PHYH: variants seen among roughly 807,000 people sequenced by gnomAD.
The protein encoded by PHYH is phytanoyl-CoA dioxygenase, peroxisomal.
PHYH carries 32 observed loss-of-function variants against 38.5 expected under a neutral mutation model. The observed-to-expected ratio is 0.83, with a 90% CI of 0.63 to 1.12. The LOEUF (loss-of-function observed/expected upper bound fraction) is 1.12, where lower values mean the gene tolerates loss of function less well. Among genes scored for constraint, PHYH ranks in the 50% most tolerant of loss-of-function variants. The pLI is 0.00. For missense variants in PHYH, 426 were observed against 434.8 expected (o/e 0.98, Z 0.18); for synonymous variants, 166 against 157.9 (o/e 1.05, Z -0.38).
At chr10:13,294,767 A>G in intron 3 of PHYH, 171 bp from the exon 4 acceptor site, 1 of 639,452 alleles carries the variant, frequency 1.6e-6, no homozygotes, top group Admixed American at 2.5e-5. Flanking sequence ...GTCTGGCTAG[A>G]ATCCATTCCC....
intron 2 of PHYH, among the ~76,000 whole-genome samples, chr10:13,297,505 G>A (rs1832594462): frequency 6.6e-6 from 1 of 152,134 alleles, no homozygotes; most frequent in African/African-American, 2.4e-5. Context: ...CCAGGCTGGA[G>A]TTCAGTGGCG....
rs555470914 is a variant in PHYH at position 13,283,909 on chromosome 10, T to G, written c.679-70A>C. The G allele has an allele frequency of 8.4e-5, 108 of 1,281,428 alleles. No individual in the cohort carries two copies. The African/African-American group carries it at 1.4e-3, about 17-fold the overall frequency. The allele number at this position is 1,281,428 out of a possible 1,614,324, so 79.4% of individuals were successfully genotyped here. ...AATTAAAAACATTGTCAATGGTTCA[T>G]CAGGGAAAGCAAACATCAGGGAAAG... On this transcript the variant is annotated intron_variant, in intron 6 of 8. Coordinates refer to ENST00000263038, the MANE Select transcript of PHYH (RefSeq NM_006214.4).
At chr10:13,290,460 G>A (rs1382716932) in intron 5 of PHYH, among the ~76,000 whole-genome samples, 1 of 152,084 alleles carries the variant, frequency 6.6e-6, no homozygotes, top group African/African-American at 2.4e-5. Flanking sequence ...GGAGAGACCT[G>A]GTAATGCTAA....
chr10:13,291,749 G>A (rs1028294983), intron 5 of PHYH, 82 bp downstream of exon 5: 3 of 899,022 alleles, frequency 3.3e-6, no homozygotes, highest in Admixed American at 1.8e-5. Context: ...AAAATGCTGG[G>A]ATTACAGGCA....
Position 13,294,455 on chromosome 10 carries a change from C to A in PHYH, c.387G>T (p.Glu129Asp). ...CGGGGAGAGTGCAGTATCTGAAGAGCTCCTTATCTTCCTGGAAATCCTGGA... is the reference window on the plus strand; with the variant it reads ...CGGGGAGAGTGCAGTATCTGAAGAGATCCTTATCTTCCTGGAAATCCTGGA... ...TKVQDFQEDK[E>D]LFRYCTLPEI... is the part of the protein sequence containing the mutation. Residue 129 changes from glutamate (E) to aspartate (D), a missense_variant, in exon 4 of 9, where the codon GAG becomes GAT. Transcript: ENST00000263038. The A allele has an allele frequency of 6.2e-7, 1 of 1,614,128 alleles. No homozygotes were observed. The highest frequency in any genetic ancestry group is 1.1e-5 in the South Asian group (1 of 91,086).
Position 13,295,512 on chromosome 10 carries a change from C to A in PHYH, c.229G>T (p.Asp77Tyr). The change falls in exon 3 of 9, where the codon GAT (aspartate) becomes TAT (tyrosine). Residue 77 changes from aspartate (D) to tyrosine (Y), a missense_variant. Asp to Tyr is a radical substitution (Grantham distance 160). Transcript: ENST00000263038. ...TTACTGTACCGAAAGCGTTGAATAT[C>A]GGCATCAGGTACAAGATTTTTGATT... ...LVIKNLVPDADIQRFRNEFEK... is the reference protein window; with the variant it reads ...LVIKNLVPDAYIQRFRNEFEK... The A allele has an allele frequency of 6.5e-7, 1 of 1,534,516 alleles. No individual in the cohort carries two copies. The highest frequency in any genetic ancestry group is 9.0e-7 in the Non-Finnish European group (1 of 1,107,388).
Position 13,291,822 on chromosome 10 carries a change from T to G in PHYH, c.496+9A>C. The G allele has an allele frequency of 6.3e-7, 1 of 1,592,186 alleles. No individual in the cohort carries two copies. Among genetic ancestry groups the G allele is most frequent in the East Asian group, 2.2e-5 (1 of 44,818 alleles). On this transcript the variant is annotated intron_variant, in intron 5 of 8. Coordinates refer to ENST00000263038, the MANE Select transcript of PHYH (RefSeq NM_006214.4). ...GAAACCATTTTTTTTTCTTCTCCCT[T>G]ACAATTACCAGAATCTGGAGGTTTG...
At chr10:13,291,471 T>C (rs774305046) in intron 5 of PHYH, 30 of 242,712 alleles carry the variant, frequency 1.2e-4, no homozygotes, top group African/African-American at 2.3e-4. Flanking sequence ...ATTTTATTAT[T>C]TTGTTTTGTT....
At chr10:13,288,191 G>A (rs181650783) in intron 6 of PHYH, among the ~76,000 whole-genome samples, 169 bp downstream of exon 6, 1 of 152,194 alleles carries the variant, frequency 6.6e-6, no homozygotes, top group Non-Finnish European at 1.5e-5. Flanking sequence ...TGTGATGAAT[G>A]TTTTCTCTGA....
intron 7 of PHYH, among the ~76,000 whole-genome samples, chr10:13,283,169 C>T (rs967562566): frequency 3.6e-5 from 5 of 139,288 alleles, no homozygotes; most frequent in African/African-American, 1.4e-4. Context: ...CTCGCTGTCG[C>T]CCAGGCTGGA....
At chr10:13,284,365 T>G (rs1835494721) in intron 6 of PHYH, among the ~76,000 whole-genome samples, 1 of 152,192 alleles carries the variant, frequency 6.6e-6, no homozygotes, top group Non-Finnish European at 1.5e-5. Flanking sequence ...ATGTTGATAT[T>G]AAAATCACTG....
Position 13,294,421 on chromosome 10 carries a change from C to T in PHYH, c.414+7G>A. Reference sequence around the variant, plus strand: ...TAAGCCGACGCAAAGCAAGGGTGGTCTCTGACCTCGGGGAGAGTGCAGTAT... The same window carrying T: ...TAAGCCGACGCAAAGCAAGGGTGGTTTCTGACCTCGGGGAGAGTGCAGTAT... On this transcript the variant is annotated splice_region_variant and intron_variant, in intron 4 of 8. Coordinates refer to ENST00000263038, the MANE Select transcript of PHYH (RefSeq NM_006214.4). 1 of 1,613,858 alleles carries T rather than the reference C, an allele frequency of 6.2e-7. No individual in the cohort carries two copies. Among genetic ancestry groups the T allele is most frequent in the Non-Finnish European group, 8.5e-7 (1 of 1,179,882 alleles).
At chr10:13,289,852 C>A (rs976158262) in intron 5 of PHYH, among the ~76,000 whole-genome samples, 1 of 149,890 alleles carries the variant, frequency 6.7e-6, no homozygotes, top group Non-Finnish European at 1.5e-5. Flanking sequence ...GCAGGAGAAT[C>A]GCTTGAACCC....
At chr10:13,294,685 G>C in intron 3 of PHYH, 89 bp from the exon 4 acceptor site, 2 of 1,149,278 alleles carry the variant, frequency 1.7e-6, no homozygotes, top group Non-Finnish European at 2.6e-6. Context: ...GCAGACTTGA[G>C]GGGTGGTTTC....
chr10:13,291,053 A>G (rs1835696826), intron 5 of PHYH, among the ~76,000 whole-genome samples: 1 of 141,590 alleles, frequency 7.1e-6, no homozygotes, highest in Non-Finnish European at 1.5e-5. Flanking sequence ...GCAGTGAGCC[A>G]AGATCGCGCT....
At chr10:13,287,907 C>A (rs112338314) in intron 6 of PHYH, among the ~76,000 whole-genome samples, 6 of 152,212 alleles carry the variant, frequency 3.9e-5, no homozygotes, top group African/African-American at 7.2e-5. Context: ...AGGGCAGGTA[C>A]AGTGGCTCAT....
rs1282970150 is a variant in PHYH at position 13,299,956 on chromosome 10, C to T, written c.75+12G>A. ...CGGATCCAGCCCGAGCCCCGCGCAG[C>T]CCAAAGGATACGACAGCCCCGGCCG... On this transcript the variant is annotated intron_variant, in intron 1 of 8. Transcript: ENST00000263038. 3 of 1,525,946 alleles carry T rather than the reference C, an allele frequency of 2.0e-6. No individual in the cohort carries two copies. The highest frequency in any genetic ancestry group is 2.0e-5 in the Admixed American group (1 of 50,360). 94.5% of individuals were successfully genotyped at this position (1,525,946 alleles called of 1,614,324 possible).
chr10:13,298,975 A>T (rs1185568902), intron 1 of PHYH, among the ~76,000 whole-genome samples: 18 of 148,568 alleles, frequency 1.2e-4, no homozygotes, highest in Non-Finnish European at 1.0e-4. Context: ...AACAACAATA[A>T]CAACAACAAC....
chr10:13,283,777 G>A lies in PHYH; in HGVS notation c.741C>T (p.His247=). 6.2e-7 allele frequency: 1 copy of A among 1,613,920 alleles called. No individual in the cohort carries two copies. Among genetic ancestry groups the A allele is most frequent in the East Asian group, 2.2e-5 (1 of 44,872 alleles). Residue 247 remains histidine, a synonymous_variant, in exon 7 of 9, where the codon CAC becomes CAT. Transcript: ENST00000263038. ...QDYEENKARV[H]LVMEKGDTVF... ...CAGTGTCGCCCTTCTCCATCACCAG[G>A]TGCACCCGGGCCTTGTTTTCCTCGT...
Sources: allele counts gnomAD v4.1 joint callset (sites outside exome capture counted in the v4.1 genomes callset), GRCh38; gene constraint gnomAD v4.1.1; transcripts MANE v1.5; gene names NCBI Gene and HGNC (gene_info 2026-07-23, HGNC 2026-07-21).